The following DCT variants were observed in gnomAD, a reference collection of about 807,000 sequenced individuals.
The protein encoded by DCT is dopachrome tautomerase.
In DCT, 47 loss-of-function variants were observed where a neutral mutation model predicts 53.0. The observed-to-expected ratio is 0.89, with a 90% CI of 0.70 to 1.13. The LOEUF is 1.13. DCT is among the 50% of genes most tolerant of loss of function. The probability of loss-of-function intolerance (pLI) is 0.00; values close to 1 mark genes in which losing one functional copy is unlikely to be tolerated. For synonymous variants in DCT, 244 were observed against 237.0 expected (o/e 1.03, Z -0.27); for missense variants, 669 against 637.4 (o/e 1.05, Z -0.53).
chr13:94,507,098 G>A, the DCT span, among the ~76,000 whole-genome samples: 26 of 152,110 alleles, frequency 1.7e-4, no homozygotes, highest in Non-Finnish European at 3.1e-4. Context: ...AGAATATGGA[G>A]ACACAACTAC....
the DCT span, among the ~76,000 whole-genome samples, chr13:94,542,969 C>T: frequency 6.6e-6 from 1 of 152,152 alleles, no homozygotes; most frequent in African/African-American, 2.4e-5. Context: ...CGTTTTCATA[C>T]ATTAGCTTTG....
the DCT span, among the ~76,000 whole-genome samples, chr13:94,533,746 C>T: frequency 1.3e-5 from 2 of 152,098 alleles, no homozygotes; most frequent in South Asian, 4.1e-4. Flanking sequence ...TATCACTGCA[C>T]TCTACCCTGG....
chr13:94,521,915 G>A, the DCT span, among the ~76,000 whole-genome samples: 4 of 151,960 alleles, frequency 2.6e-5, no homozygotes, highest in East Asian at 3.9e-4. Context: ...CAATCCCTCC[G>A]TTTCTCCCAG....
At chr13:94,524,885 T>C in the DCT span, among the ~76,000 whole-genome samples, 5 of 152,150 alleles carry the variant, frequency 3.3e-5, no homozygotes, top group African/African-American at 9.7e-5. Context: ...GTACCCATTA[T>C]ATTAATAAAA....
At chr13:94,543,744 G>A in the DCT span, among the ~76,000 whole-genome samples, 2 of 152,114 alleles carry the variant, frequency 1.3e-5, no homozygotes, top group African/African-American at 4.8e-5. Context: ...AATCAAAACT[G>A]AACAAAATGG....
intron 7 of DCT, 61 bp downstream of exon 7, chr13:94,443,375 C>A (rs760981640): frequency 4.0e-5 from 53 of 1,334,924 alleles, no homozygotes; most frequent in Non-Finnish European, 5.5e-5. Flanking sequence ...AGAAAGAAAG[C>A]AAGAAAGCTA....
chr13:94,488,206 T>C, the DCT span, among the ~76,000 whole-genome samples: 1 of 152,174 alleles, frequency 6.6e-6, no homozygotes, highest in African/African-American at 2.4e-5. Context: ...GGGTAAGCAA[T>C]AGAGCTACTC....
chr13:94,488,883 A>T, the DCT span, among the ~76,000 whole-genome samples: 134 of 140,616 alleles, frequency 9.5e-4, 1 homozygote, highest in African/African-American at 3.8e-3. Flanking sequence ...TACACACACA[A>T]ACACACATAT....
the DCT span, among the ~76,000 whole-genome samples, chr13:94,510,771 GAGC>G: frequency 6.6e-6 from 1 of 151,832 alleles, no homozygotes; most frequent in Non-Finnish European, 1.5e-5. Flanking sequence ...ACTTCTTTTT[GAGC>G]TCCAAGCTCA....
chr13:94,521,087 T>G, the DCT span, among the ~76,000 whole-genome samples: 2 of 152,180 alleles, frequency 1.3e-5, no homozygotes, highest in Non-Finnish European at 2.9e-5. Flanking sequence ...ACCTGGGTAA[T>G]AGGATGGAGG....
chr13:94,527,838 T>C, the DCT span, among the ~76,000 whole-genome samples: 111 of 152,116 alleles, frequency 7.3e-4, no homozygotes, highest in African/African-American at 2.5e-3. Context: ...AACAAACTTC[T>C]CCAAGCTAAA....
intron 6 of DCT, among the ~76,000 whole-genome samples, chr13:94,452,178 G>A (rs1011323315): frequency 6.6e-6 from 1 of 152,034 alleles, no homozygotes; most frequent in Admixed American, 6.6e-5. Context: ...GACTACAGGT[G>A]CCTAACACCA....
At chr13:94,484,082 T>A (rs937944087), upstream of DCT, among the ~76,000 whole-genome samples, 2 of 152,240 alleles carry the variant, frequency 1.3e-5, no homozygotes, top group Non-Finnish European at 2.9e-5. Flanking sequence ...CTTATGCAGC[T>A]GCACATCCAC....
chr13:94,510,914 C>G, the DCT span, among the ~76,000 whole-genome samples: 11 of 152,180 alleles, frequency 7.2e-5, no homozygotes, highest in Admixed American at 7.2e-4. Context: ...CACATCTTCC[C>G]CCAACCATGT....
At chr13:94,548,330 A>G in the DCT span, among the ~76,000 whole-genome samples, 1 of 152,030 alleles carries the variant, frequency 6.6e-6, no homozygotes, top group African/African-American at 2.4e-5. Context: ...TAGAGAATGA[A>G]TGAATAAGAG....
chr13:94,530,799 G>A, the DCT span, among the ~76,000 whole-genome samples: 2 of 152,118 alleles, frequency 1.3e-5, no homozygotes, highest in African/African-American at 2.4e-5. Flanking sequence ...GGGCAATCAG[G>A]CAGAAGAAAG....
chr13:94,443,024 C>T (rs936745129), intron 7 of DCT, among the ~76,000 whole-genome samples: 5 of 152,170 alleles, frequency 3.3e-5, no homozygotes, highest in Non-Finnish European at 5.9e-5. Flanking sequence ...CAGCCCTGCC[C>T]TCAAGGAATA....
At chr13:94,477,072 T>C (rs1386163576) in intron 1 of DCT, among the ~76,000 whole-genome samples, 1 of 152,132 alleles carries the variant, frequency 6.6e-6, no homozygotes, top group African/African-American at 2.4e-5. Context: ...TACTACAAAA[T>C]GATTATAAAG....
the DCT span, among the ~76,000 whole-genome samples, chr13:94,487,503 C>G: frequency 1.3e-5 from 2 of 152,180 alleles, no homozygotes; most frequent in Non-Finnish European, 2.9e-5. Context: ...AGCTTTGGAG[C>G]TAGGATGCCA....
Sources: gnomAD v4.1 joint callset for allele counts (sites outside exome capture counted in the v4.1 genomes callset) on GRCh38, gnomAD v4.1.1 for gene constraint, MANE v1.5 for transcripts, NCBI Gene and HGNC (gene_info 2026-07-23, HGNC 2026-07-21) for gene names.